MRS2: variants seen among roughly 807,000 people sequenced by gnomAD.
MRS2 encodes magnesium transporter MRS2, also known as magnesium transporter MRS2 homolog, mitochondrial.
MRS2 carries 40 observed loss-of-function variants against 52.6 expected under a neutral mutation model. The observed-to-expected ratio is 0.76, with a 90% CI of 0.59 to 0.99. The LOEUF is 0.99. Among genes scored for constraint, MRS2 ranks in the 50% least tolerant of loss-of-function variants. The pLI, the probability that MRS2 is intolerant of heterozygous loss-of-function variation, is 0.00. For synonymous variants in MRS2, 193 were observed against 195.9 expected (o/e 0.98, Z 0.13); for missense variants, 472 against 532.7 (o/e 0.89, Z 1.12).
At chr6:24,414,759 C>T (rs528948534) in intron 5 of MRS2, among the ~76,000 whole-genome samples, 27 of 152,284 alleles carry the variant, frequency 1.8e-4, no homozygotes, top group Admixed American at 2.6e-4. Context: ...CCGGACGGGG[C>T]GGCTGGCCGG....
At chr6:24,406,022 A>G (rs1283480756) in intron 2 of MRS2, among the ~76,000 whole-genome samples, 1 of 149,858 alleles carries the variant, frequency 6.7e-6, no homozygotes, top group East Asian at 2.0e-4. Flanking sequence ...GGAGAATGGC[A>G]TGAACCCAGG....
chr6:24,416,553 G>C, intron 7 of MRS2, 40 bp downstream of exon 7: 1 of 1,071,012 alleles, frequency 9.3e-7, no homozygotes, highest in Non-Finnish European at 1.4e-6. Context: ...TTTCCTTAGA[G>C]TAAATCTTTT....
intron 9 of MRS2, among the ~76,000 whole-genome samples, chr6:24,422,011 T>C (rs1377698294): frequency 6.6e-6 from 1 of 151,780 alleles, no homozygotes; most frequent in Non-Finnish European, 1.5e-5. Flanking sequence ...TAGCTGGGCA[T>C]GGTGCCGCAC....
At chr6:24,404,233 A>G (rs1171026327) in intron 1 of MRS2, among the ~76,000 whole-genome samples, 1 of 149,158 alleles carries the variant, frequency 6.7e-6, no homozygotes, top group Non-Finnish European at 1.5e-5. Context: ...CAGTTTCAGC[A>G]AGTTGGAGGA....
intron 9 of MRS2, chr6:24,418,864 A>T: frequency 4.1e-6 from 1 of 246,254 alleles, no homozygotes; most frequent in Non-Finnish European, 8.1e-6. Context: ...GCGCCGTTGC[A>T]CTCCAGCCTG....
chr6:24,409,400 T>C, intron 3 of MRS2, 61 bp from the exon 4 acceptor site: 1 of 1,040,766 alleles, frequency 9.6e-7, no homozygotes. Flanking sequence ...ACTGCTCTGA[T>C]GGAAAAATCT....
chr6:24,404,017 A>T (rs1761376443), intron 1 of MRS2, among the ~76,000 whole-genome samples: 1 of 152,238 alleles, frequency 6.6e-6, no homozygotes. Flanking sequence ...GATTTTCACA[A>T]ATGTGAGTGC....
At chr6:24,420,644 TAGAG>T (rs1310983138) in intron 9 of MRS2, among the ~76,000 whole-genome samples, 3 of 151,946 alleles carry the variant, frequency 2.0e-5, no homozygotes, top group Non-Finnish European at 2.9e-5. Flanking sequence ...GAGAAGCGGA[TAGAG>T]AATGTTAGGC....
chr6:24,421,072 A>G (rs925577926), intron 9 of MRS2, among the ~76,000 whole-genome samples: 7 of 152,200 alleles, frequency 4.6e-5, no homozygotes, highest in Admixed American at 2.0e-4. Flanking sequence ...CAGATTCCCT[A>G]AGTGTGACTA....
chr6:24,403,149 C>G lies in MRS2; in HGVS notation c.103C>G (p.Pro35Ala), dbSNP rs2295651. Residue 35 changes from proline to alanine, a missense_variant, in exon 1 of 11, where the codon CCC (proline) becomes GCC (alanine). By Grantham distance (27) the Pro-to-Ala change is conservative. Coordinates refer to ENST00000378386, the MANE Select transcript of MRS2 (RefSeq NM_020662.4). ...LALDVTSVGP[P>A]VAACGRRANL... Reference sequence around the variant, plus strand: ...CTTGGACGTGACCTCTGTGGGTCCTCCCGTTGCTGCCTGCGGCCGCCGAGC... The same window carrying G: ...CTTGGACGTGACCTCTGTGGGTCCTGCCGTTGCTGCCTGCGGCCGCCGAGC... 6 of 1,610,688 alleles carry G rather than the reference C, an allele frequency of 3.7e-6. No homozygotes were observed. The highest frequency in any genetic ancestry group is 2.2e-5 in the South Asian group (2 of 91,074).
At position 24,405,192 on chromosome 6, in the gene MRS2, C is replaced by T; in HGVS notation, c.215C>T (p.Ser72Phe). Residue 72 changes from serine to phenylalanine, a missense_variant, in exon 2 of 11, where the codon TCT (serine) becomes TTT (phenylalanine). Transcript: ENST00000378386. ...GGTGAAGTGCACCGGTTTAGAACCT[C>T]TGACGTCTCTCAAGCCACTTTAGCC... ...VAGEVHRFRTSDVSQATLASV... is the reference protein window; with the variant it reads ...VAGEVHRFRTFDVSQATLASV... 2 of 1,614,008 alleles carry T rather than the reference C, an allele frequency of 1.2e-6. No homozygotes were observed. Among genetic ancestry groups the T allele is most frequent in the Non-Finnish European group, 1.7e-6 (2 of 1,179,854 alleles).
chr6:24,407,816 C>T (rs975325780), intron 2 of MRS2, among the ~76,000 whole-genome samples: 2 of 152,156 alleles, frequency 1.3e-5, no homozygotes, highest in African/African-American at 4.8e-5. Context: ...GAAGTCTTTG[C>T]AGCCATCCAG....
At position 24,412,241 on chromosome 6, in the gene MRS2, C is replaced by T. The variant is rs1435097947; in HGVS notation, c.434C>T (p.Thr145Ile). ...TAACAGTATTTGAAAGCTGTGATAA[C>T]TCCAGAGTGTCTTCTGATATTAGAT... Reference protein sequence around the residue: ...MRMEYLKAVITPECLLILDYR... With the variant: ...MRMEYLKAVIIPECLLILDYR... The change falls in exon 5 of 11, where the codon ACT becomes ATT. Residue 145 changes from threonine to isoleucine, a missense_variant. Physicochemically the swap from Thr to Ile is moderately conservative, Grantham distance 89. Coordinates refer to ENST00000378386, the MANE Select transcript of MRS2 (RefSeq NM_020662.4). 6.4e-7 allele frequency: 1 copy of T among 1,557,088 alleles called. No individual in the cohort carries two copies. The highest frequency in any genetic ancestry group is 8.7e-7 in the Non-Finnish European group (1 of 1,151,810).
chr6:24,406,877 GAGAA>G (rs1761493391), intron 2 of MRS2, among the ~76,000 whole-genome samples: 1 of 152,214 alleles, frequency 6.6e-6, no homozygotes, highest in Non-Finnish European at 1.5e-5. Flanking sequence ...TATGGAATCT[GAGAA>G]AGAAAAATTT....
Position 24,422,976 on chromosome 6 carries a change from A to G in MRS2, c.1147A>G (p.Met383Val). 2.5e-6 allele frequency: 4 copies of G among 1,614,074 alleles called. No homozygotes were observed. Among genetic ancestry groups the G allele is most frequent in the Non-Finnish European group, 2.5e-6 (3 of 1,179,964 alleles). ...IFWLITGIMF[M>V]GSGLIWRRLL... is the part of the protein sequence containing the mutation. The stretch of plus-strand genomic sequence containing the variant: ...TTGGCTGATTACAGGAATTATGTTC[A>G]TGGGAAGTGGCCTCATCTGGAGGCG... The change falls in exon 10 of 11, where the codon ATG becomes GTG. Residue 383 changes from methionine to valine, a missense_variant. By Grantham distance (21) the Met-to-Val change is conservative (BLOSUM62 1). Coordinates refer to ENST00000378386, the MANE Select transcript of MRS2 (RefSeq NM_020662.4).
chr6:24,416,819 A>T (rs1761869486), intron 7 of MRS2, among the ~76,000 whole-genome samples: 1 of 152,248 alleles, frequency 6.6e-6, no homozygotes, highest in South Asian at 2.1e-4. Context: ...TTACCTAGGA[A>T]GCAGAGTGGG....
Position 24,423,049 on chromosome 6 carries a change from T to C in MRS2, c.1220T>C (p.Met407Thr), listed in dbSNP as rs34314832. The C allele has an allele frequency of 2.0e-3, 3,182 of 1,611,852 alleles. 2 individuals carry two copies. Among genetic ancestry groups the C allele is most frequent in the Non-Finnish European group, 2.6e-3 (3,038 of 1,177,996 alleles). The part of the protein sequence containing the change: ...GRQLEAPLPP[M>T]MASLPKKTLL... ...CAGCTAGAAGCTCCATTGCCTCCTATGGTATGAAGGATATGGTTCACGGCG... is the reference window on the plus strand; with the variant it reads ...CAGCTAGAAGCTCCATTGCCTCCTACGGTATGAAGGATATGGTTCACGGCG... The change falls in exon 10 of 11, where the codon ATG becomes ACG. Residue 407 changes from methionine to threonine, a missense_variant and splice_region_variant. Coordinates refer to ENST00000378386, the MANE Select transcript of MRS2 (RefSeq NM_020662.4).
chr6:24,418,277 T>C (rs781093827), intron 8 of MRS2, 41 bp downstream of exon 8: 1 of 1,483,798 alleles, frequency 6.7e-7, no homozygotes, highest in Non-Finnish European at 9.0e-7. Flanking sequence ...TTTAATAAAA[T>C]AATTATAAGA....
chr6:24,418,899 C>CAA, intron 9 of MRS2: 1 of 165,418 alleles, frequency 6.0e-6, no homozygotes, highest in Non-Finnish European at 1.3e-5. Flanking sequence ...ACTCTGTCTC[C>CAA]AAAAAAAAAG....
Sources: allele counts gnomAD v4.1 joint callset (sites outside exome capture counted in the v4.1 genomes callset), GRCh38; gene constraint gnomAD v4.1.1; transcripts MANE v1.5; gene names NCBI Gene and HGNC (gene_info 2026-07-23, HGNC 2026-07-21).